The following LGSN variants were observed in gnomAD, a reference collection of about 807,000 sequenced individuals.
LGSN encodes lengsin, lens protein with glutamine synthetase domain.
In LGSN, 21 loss-of-function variants were observed where a neutral mutation model predicts 19.5. The observed-to-expected ratio is 1.07, with a 90% CI of 0.76 to 1.55. The LOEUF (loss-of-function observed/expected upper bound fraction) is 1.55. LGSN is among the 40% of genes most tolerant of loss of function. LGSN has a pLI of 0.00. For synonymous variants in LGSN, 257 were observed against 215.6 expected (o/e 1.19, Z -1.68); for missense variants, 673 against 608.5 (o/e 1.11, Z -1.12).
At chr6:63,439,563 C>A in the LGSN span, among the ~76,000 whole-genome samples, 9 of 152,106 alleles carry the variant, frequency 5.9e-5, no homozygotes, top group South Asian at 1.9e-3. Context: ...AAAATAAAGT[C>A]TGAAGTATGG....
the LGSN span, chr6:63,392,732 T>C: frequency 6.6e-6 from 1 of 152,134 alleles, no homozygotes; most frequent in African/African-American, 2.4e-5. Context: ...AATGAGGATA[T>C]GGAAGTCCTC....
chr6:63,412,466 A>AAAGAAGGAAGGAAAGAAAG, the LGSN span, among the ~76,000 whole-genome samples: 1 of 124,018 alleles, frequency 8.1e-6, no homozygotes, highest in South Asian at 2.5e-4. Context: ...AAGAAAGAAA[A>AAAGAAGGAAGGAAAGAAAG]AGAGAGAGAA....
the LGSN span, among the ~76,000 whole-genome samples, chr6:63,394,731 T>A: frequency 6.6e-6 from 1 of 152,150 alleles, no homozygotes; most frequent in African/African-American, 2.4e-5. Flanking sequence ...TCTCTTGGGG[T>A]CTGGATCAGG....
At chr6:63,528,848 G>A in the LGSN span, among the ~76,000 whole-genome samples, 12 of 152,134 alleles carry the variant, frequency 7.9e-5, 1 homozygote, top group South Asian at 2.3e-3. Flanking sequence ...AAAATATTTG[G>A]GAGGCCGAGG....
chr6:63,525,820 T>A, the LGSN span, among the ~76,000 whole-genome samples: 76 of 152,356 alleles, frequency 5.0e-4, no homozygotes, highest in African/African-American at 1.8e-3. Flanking sequence ...GTGTAAATTA[T>A]CTCTTAAAAT....
the LGSN span, among the ~76,000 whole-genome samples, chr6:63,331,060 G>C: frequency 7.2e-5 from 11 of 152,156 alleles, no homozygotes; most frequent in Admixed American, 1.3e-4. Context: ...GCTTAAAGGG[G>C]ACATAACCGA....
the LGSN span, among the ~76,000 whole-genome samples, chr6:63,390,947 C>T: frequency 6.6e-6 from 1 of 151,514 alleles, no homozygotes; most frequent in African/African-American, 2.4e-5. Context: ...CATTCACTTT[C>T]AATTATTTGA....
At chr6:63,488,346 C>A in the LGSN span, among the ~76,000 whole-genome samples, 9 of 152,276 alleles carry the variant, frequency 5.9e-5, no homozygotes, top group African/African-American at 1.9e-4. Flanking sequence ...AAGAGAAGGT[C>A]AGGCTGCTAG....
At chr6:63,421,322 T>C in the LGSN span, among the ~76,000 whole-genome samples, 3 of 152,014 alleles carry the variant, frequency 2.0e-5, no homozygotes, top group Non-Finnish European at 4.4e-5. Context: ...CTCGGGAGGC[T>C]GAGGCACAAG....
At chr6:63,559,856 G>A in the LGSN span, among the ~76,000 whole-genome samples, 2 of 152,044 alleles carry the variant, frequency 1.3e-5, no homozygotes, top group Non-Finnish European at 2.9e-5. Context: ...CGAACTCCTG[G>A]GCTCAAACAA....
At chr6:63,425,708 A>G in the LGSN span, among the ~76,000 whole-genome samples, 3 of 152,150 alleles carry the variant, frequency 2.0e-5, no homozygotes, top group Non-Finnish European at 2.9e-5. Flanking sequence ...TGGGTGGCTG[A>G]TGGCTGTAAA....
At chr6:63,378,845 A>G in the LGSN span, among the ~76,000 whole-genome samples, 11 of 152,214 alleles carry the variant, frequency 7.2e-5, no homozygotes, top group African/African-American at 2.7e-4. Flanking sequence ...CAATTTCAAC[A>G]TGTGATTTGG....
chr6:63,310,671 T>C (rs1768591589), intron 1 of LGSN, among the ~76,000 whole-genome samples: 1 of 152,186 alleles, frequency 6.6e-6, no homozygotes, highest in African/African-American at 2.4e-5. Flanking sequence ...TCCTGGAAGA[T>C]AAACATATGA....
the LGSN span, chr6:63,572,734 C>T: frequency 2.5e-6 from 1 of 398,474 alleles, no homozygotes; most frequent in Non-Finnish European, 4.4e-6. Context: ...GTAGCCGTCG[C>T]ATCGTCGCCT....
At chr6:63,454,342 C>T in the LGSN span, among the ~76,000 whole-genome samples, 7 of 152,220 alleles carry the variant, frequency 4.6e-5, no homozygotes. Flanking sequence ...TTTCTATGGA[C>T]ATCAATATTA....
At chr6:63,464,509 A>G in the LGSN span, among the ~76,000 whole-genome samples, 4 of 151,000 alleles carry the variant, frequency 2.6e-5, no homozygotes, top group African/African-American at 9.7e-5. Context: ...AGCCTCACTT[A>G]GCTTAAAATC....
the LGSN span, among the ~76,000 whole-genome samples, chr6:63,521,267 A>C: frequency 6.6e-6 from 1 of 152,212 alleles, no homozygotes; most frequent in Non-Finnish European, 1.5e-5. Flanking sequence ...GAAAAGAAAA[A>C]AACGGCAAAT....
chr6:63,503,973 G>A, the LGSN span, among the ~76,000 whole-genome samples: 2 of 151,950 alleles, frequency 1.3e-5, no homozygotes, highest in Non-Finnish European at 2.9e-5. Context: ...TATGCAAATA[G>A]TAACAACAAT....
intron 3 of LGSN, among the ~76,000 whole-genome samples, chr6:63,284,602 G>C (rs1170763308): frequency 6.6e-6 from 1 of 152,150 alleles, no homozygotes; most frequent in Admixed American, 6.5e-5. Flanking sequence ...CTGGCAAGTA[G>C]TTAAAGTGCC....
Sources: allele counts gnomAD v4.1 joint callset (sites outside exome capture counted in the v4.1 genomes callset), GRCh38; gene constraint gnomAD v4.1.1; transcripts MANE v1.5; gene names NCBI Gene and HGNC (gene_info 2026-07-23, HGNC 2026-07-21).